The following THSD4 variants were observed in gnomAD, a reference collection of about 807,000 sequenced individuals.
THSD4 encodes the protein thrombospondin type-1 domain-containing protein 4.
A neutral mutation model predicts 119.0 loss-of-function variants in THSD4; 69 were observed. The observed-to-expected ratio is 0.58, with a 90% CI of 0.48 to 0.71. THSD4 has a LOEUF of 0.71. Ranked by LOEUF, THSD4 falls within the 30% of genes least tolerant of loss-of-function variation. The pLI is 0.00. For missense variants in THSD4, 1,393 were observed against 1,391.1 expected, an observed-to-expected ratio of 1.00 and a Z score of -0.02; for synonymous variants, 524 against 540.4, an observed-to-expected ratio of 0.97 and a Z score of 0.42.
At chr15:71,662,158 C>T (rs1244841336) in intron 8 of THSD4, among the ~76,000 whole-genome samples, 3 of 152,162 alleles carry the variant, frequency 2.0e-5, no homozygotes, top group Admixed American at 2.0e-4. Flanking sequence ...CTGCAACTTT[C>T]AAATATCAGG....
chr15:71,269,748 A>C (rs937440573), intron 6 of THSD4, among the ~76,000 whole-genome samples: 2 of 152,252 alleles, frequency 1.3e-5, no homozygotes, highest in Non-Finnish European at 2.9e-5. Flanking sequence ...CAACTTCAGC[A>C]AAGTCTCAGG....
intron 6 of THSD4, among the ~76,000 whole-genome samples, chr15:71,309,279 A>G (rs2045078548): frequency 6.6e-6 from 1 of 152,190 alleles, no homozygotes; most frequent in Admixed American, 6.5e-5. Flanking sequence ...AATGTTGAGC[A>G]TATTACTGAC....
At chr15:71,754,952 T>C (rs1252507409) in intron 14 of THSD4, among the ~76,000 whole-genome samples, 3 of 152,188 alleles carry the variant, frequency 2.0e-5, no homozygotes, top group Non-Finnish European at 4.4e-5. Flanking sequence ...AAGAAAAATA[T>C]GGGGGAAATT....
At chr15:71,430,396 A>G (rs1595759706) in intron 7 of THSD4, among the ~76,000 whole-genome samples, 1 of 152,208 alleles carries the variant, frequency 6.6e-6, no homozygotes, top group Non-Finnish European at 1.5e-5. Context: ...ATAATGATTT[A>G]TTATATAGGC....
At chr15:71,165,309 T>C (rs964156041) in intron 3 of THSD4, 43 of 1,587,934 alleles carry the variant, frequency 2.7e-5, no homozygotes, top group Non-Finnish European at 3.5e-5. Flanking sequence ...TCTTGAGAAG[T>C]TGACTGAAGC....
chr15:71,276,699 ACAATATTT>A (rs1339484547), intron 6 of THSD4, among the ~76,000 whole-genome samples: 1 of 152,258 alleles, frequency 6.6e-6, no homozygotes, highest in African/African-American at 2.4e-5. Flanking sequence ...ATAAATGTTT[ACAATATTT>A]CATTATATTT....
At chr15:71,133,701 A>T (rs890289993) in intron 1 of THSD4, among the ~76,000 whole-genome samples, 8 of 152,194 alleles carry the variant, frequency 5.3e-5, no homozygotes, top group African/African-American at 1.9e-4. Flanking sequence ...GTCATCTGAA[A>T]TTGAAAAAGC....
chr15:71,775,908 G>A (rs2053904581), intron 17 of THSD4, among the ~76,000 whole-genome samples: 1 of 152,056 alleles, frequency 6.6e-6, no homozygotes, highest in South Asian at 2.1e-4. Flanking sequence ...CACATATAAA[G>A]GATGTGTGAT....
intron 6 of THSD4, among the ~76,000 whole-genome samples, chr15:71,365,546 G>A (rs1189864863): frequency 3.9e-5 from 6 of 152,152 alleles, no homozygotes; most frequent in Non-Finnish European, 7.4e-5. Context: ...ACAGTGGGGC[G>A]GTGTGGGGGA....
intron 7 of THSD4, among the ~76,000 whole-genome samples, chr15:71,612,184 A>G (rs934066076): frequency 6.6e-6 from 1 of 152,174 alleles, no homozygotes; most frequent in African/African-American, 2.4e-5. Context: ...ACCTTTGGAA[A>G]GGGGTCATGA....
chr15:71,320,794 A>G (rs1005184422), intron 6 of THSD4, among the ~76,000 whole-genome samples: 23 of 151,744 alleles, frequency 1.5e-4, no homozygotes, highest in African/African-American at 5.3e-4. Flanking sequence ...TTCTCTTTCA[A>G]CTCCAGACAT....
intron 7 of THSD4, among the ~76,000 whole-genome samples, chr15:71,531,520 C>G (rs1175253388): frequency 6.6e-6 from 1 of 152,180 alleles, no homozygotes; most frequent in East Asian, 1.9e-4. Context: ...TGTGGTTAAG[C>G]ACCTCGGCTG....
chr15:71,546,345 G>A lies in THSD4; in HGVS notation c.1153-114185G>A, dbSNP rs1433902417. On this transcript the variant is annotated intron_variant, in intron 7 of 17. Coordinates refer to ENST00000261862, the MANE Select transcript of THSD4 (RefSeq NM_024817.3). Reference sequence around the variant, plus strand: ...CTAGGCAGAATACAGTACTTGATGGGTTCTAATCCATTTTAAACCATGGTC... The same window carrying A: ...CTAGGCAGAATACAGTACTTGATGGATTCTAATCCATTTTAAACCATGGTC... Among the ~76,000 whole-genome samples the A allele has an allele frequency of 2.0e-4, 30 of 152,046 alleles. 1 individual carries two copies. The highest frequency in any genetic ancestry group is 8.8e-5 in the Non-Finnish European group (6 of 68,024).
At chr15:71,266,144 C>T (rs1201995534) in intron 6 of THSD4, among the ~76,000 whole-genome samples, 1 of 152,244 alleles carries the variant, frequency 6.6e-6, no homozygotes, top group Non-Finnish European at 1.5e-5. Flanking sequence ...GGGTCCCTGA[C>T]CCCTGTGCCT....
chr15:71,497,859 A>G (rs2048050481), intron 7 of THSD4, among the ~76,000 whole-genome samples: 1 of 152,232 alleles, frequency 6.6e-6, no homozygotes, highest in South Asian at 2.1e-4. Flanking sequence ...TAGAAAAATA[A>G]ATGGGCTTGA....
intron 6 of THSD4, among the ~76,000 whole-genome samples, chr15:71,403,934 A>G (rs938051834): frequency 6.6e-6 from 1 of 152,124 alleles, no homozygotes; most frequent in Non-Finnish European, 1.5e-5. Flanking sequence ...AGGATAACTT[A>G]TTGATTGTAA....
intron 7 of THSD4, among the ~76,000 whole-genome samples, chr15:71,448,332 G>A (rs1192720934): frequency 6.6e-6 from 1 of 152,154 alleles, no homozygotes; most frequent in Non-Finnish European, 1.5e-5. Context: ...ATATTTTGGT[G>A]GCAGAGACTG....
intron 7 of THSD4, among the ~76,000 whole-genome samples, chr15:71,625,236 G>T (rs575639221): frequency 5.3e-4 from 80 of 152,252 alleles, no homozygotes; most frequent in African/African-American, 1.9e-3. Context: ...TTGAACTCCT[G>T]ACCTCAGGTG....
At chr15:71,099,737 G>C (rs934413964) in intron 1 of THSD4, among the ~76,000 whole-genome samples, 3 of 152,046 alleles carry the variant, frequency 2.0e-5, no homozygotes, top group African/African-American at 4.8e-5. Flanking sequence ...GGCCAAGGGG[G>C]GCAGATCGCT....
Sources: gnomAD v4.1 joint callset for allele counts (sites outside exome capture counted in the v4.1 genomes callset) on GRCh38, gnomAD v4.1.1 for gene constraint, MANE v1.5 for transcripts, NCBI Gene and HGNC (gene_info 2026-07-23, HGNC 2026-07-21) for gene names.